Variants in CNTN5 observed in about 807,000 individuals in gnomAD.
CNTN5 encodes the protein contactin 5.
In CNTN5, 77 loss-of-function variants were observed where a neutral mutation model predicts 129.1. The observed-to-expected ratio is 0.60, with a 90% confidence interval of 0.50 to 0.72. The LOEUF (loss-of-function observed/expected upper bound fraction) is 0.72, where lower values mean the gene tolerates loss of function less well. Among genes scored for constraint, CNTN5 ranks in the 30% least tolerant of loss-of-function variants. The pLI, the probability that CNTN5 is intolerant of heterozygous loss-of-function variation, is 0.00. For missense variants in CNTN5, 1,478 were observed against 1,328.8 expected, an observed-to-expected ratio of 1.11 and a Z score of -1.75; for synonymous variants, 509 against 465.6, an observed-to-expected ratio of 1.09 and a Z score of -1.20.
intron 2 of CNTN5, among the ~76,000 whole-genome samples, chr11:99,420,657 G>T (rs138206543): frequency 6.6e-6 from 1 of 152,082 alleles, no homozygotes; most frequent in Non-Finnish European, 1.5e-5. Flanking sequence ...ATAAGATTAC[G>T]ATGAAAAAGT....
intron 1 of CNTN5, among the ~76,000 whole-genome samples, chr11:99,205,029 C>T (rs1428690940): frequency 2.0e-5 from 3 of 152,112 alleles, no homozygotes; most frequent in African/African-American, 7.2e-5. Flanking sequence ...CAGAGAATTG[C>T]ACTTTTTAAC....
At chr11:99,783,828 G>C (rs937221812) in intron 3 of CNTN5, among the ~76,000 whole-genome samples, 1 of 151,586 alleles carries the variant, frequency 6.6e-6, no homozygotes, top group Non-Finnish European at 1.5e-5. Context: ...TGTGGGGTGG[G>C]TGGAGTGGGG....
intron 17 of CNTN5, among the ~76,000 whole-genome samples, chr11:100,258,309 T>G (rs1334422104): frequency 6.6e-6 from 1 of 152,172 alleles, no homozygotes; most frequent in Non-Finnish European, 1.5e-5. Context: ...AATATACGTT[T>G]GACTGGTGTA....
chr11:99,944,776 G>T (rs1467019668), intron 7 of CNTN5, among the ~76,000 whole-genome samples: 2 of 152,004 alleles, frequency 1.3e-5, no homozygotes, highest in Admixed American at 6.6e-5. Flanking sequence ...GCTACAAAGA[G>T]AATACATACC....
At chr11:99,698,986 A>C (rs1954397358) in intron 3 of CNTN5, among the ~76,000 whole-genome samples, 1 of 151,332 alleles carries the variant, frequency 6.6e-6, no homozygotes, top group Non-Finnish European at 1.5e-5. Flanking sequence ...ATAAAAATTA[A>C]AACTTTTTTT....
intron 3 of CNTN5, among the ~76,000 whole-genome samples, chr11:99,802,894 C>T (rs1946156821): frequency 6.6e-6 from 1 of 152,120 alleles, no homozygotes; most frequent in Non-Finnish European, 1.5e-5. Flanking sequence ...CATCTATGCA[C>T]AGGAAAGGTG....
intron 7 of CNTN5, among the ~76,000 whole-genome samples, chr11:99,948,916 T>C (rs1281922571): frequency 6.6e-6 from 1 of 152,192 alleles, no homozygotes; most frequent in Non-Finnish European, 1.5e-5. Flanking sequence ...GCATTCCACC[T>C]GCCCCAGCCA....
intron 7 of CNTN5, among the ~76,000 whole-genome samples, chr11:99,951,221 G>T (rs1346980379): frequency 6.6e-6 from 1 of 151,336 alleles, no homozygotes; most frequent in African/African-American, 2.4e-5. Context: ...TAATGTGTCT[G>T]TGTGTAATAG....
At chr11:99,301,968 TA>T (rs1373722653) in intron 1 of CNTN5, among the ~76,000 whole-genome samples, 2 of 151,382 alleles carry the variant, frequency 1.3e-5, no homozygotes, top group African/African-American at 2.4e-5. Context: ...AACACACTAC[TA>T]AAAAAACCCG....
intron 18 of CNTN5, among the ~76,000 whole-genome samples, chr11:100,291,918 T>C (rs1950989248): frequency 6.6e-6 from 1 of 151,856 alleles, no homozygotes; most frequent in Non-Finnish European, 1.5e-5. Context: ...GGTTTTTTCT[T>C]CTCCCGCCAT....
intron 1 of CNTN5, among the ~76,000 whole-genome samples, chr11:99,226,704 C>G (rs576624990): frequency 6.6e-6 from 1 of 152,248 alleles, no homozygotes; most frequent in South Asian, 2.1e-4. Context: ...ATAATAAGTT[C>G]CTAATAGGCA....
intron 3 of CNTN5, among the ~76,000 whole-genome samples, chr11:99,801,883 T>C (rs999073980): frequency 6.6e-6 from 1 of 152,242 alleles, no homozygotes; most frequent in Admixed American, 6.5e-5. Flanking sequence ...TTGGACTTTC[T>C]TGCAATCCAT....
intron 3 of CNTN5, among the ~76,000 whole-genome samples, chr11:99,781,529 TG>T (rs1248405875): frequency 6.6e-6 from 1 of 152,070 alleles, no homozygotes; most frequent in Non-Finnish European, 1.5e-5. Flanking sequence ...CATTTATTTT[TG>T]CATTGCCTTG....
At chr11:99,244,050 T>C (rs1205267410) in intron 1 of CNTN5, among the ~76,000 whole-genome samples, 1 of 152,184 alleles carries the variant, frequency 6.6e-6, no homozygotes, top group Non-Finnish European at 1.5e-5. Flanking sequence ...TAGATTGCTT[T>C]AGGCAGTATG....
intron 6 of CNTN5, among the ~76,000 whole-genome samples, chr11:99,869,991 C>G (rs1253305195): frequency 1.3e-5 from 2 of 152,072 alleles, no homozygotes; most frequent in Admixed American, 1.3e-4. Flanking sequence ...CTGATTTACC[C>G]TTCCCCCCTG....
chr11:99,847,140 T>C lies in CNTN5; in HGVS notation c.577+1878T>C, dbSNP rs563074606. Among the ~76,000 whole-genome samples, 6 of 152,360 alleles carry C rather than the reference T, an allele frequency of 3.9e-5. No homozygotes were observed. In the South Asian group the frequency reaches 1.2e-3, roughly 32 times the overall value. ...GGTCTACAGTATTTGATACAAGGTA[T>C]ACCAGTTAGCTATAGCCTGTATGTC... On this transcript the variant is annotated intron_variant, in intron 6 of 24. Transcript: ENST00000524871.
chr11:100,217,331 T>G (rs1949160764), intron 15 of CNTN5, among the ~76,000 whole-genome samples: 1 of 152,220 alleles, frequency 6.6e-6, no homozygotes, highest in South Asian at 2.1e-4. Flanking sequence ...AGTACAGCCA[T>G]GCTTGCTATG....
At chr11:99,284,312 A>T (rs1863828919) in intron 1 of CNTN5, among the ~76,000 whole-genome samples, 1 of 152,094 alleles carries the variant, frequency 6.6e-6, no homozygotes, top group African/African-American at 2.4e-5. Flanking sequence ...ATGTTATGGG[A>T]TATATTTTAA....
At chr11:99,436,705 T>C (rs1943613242) in intron 2 of CNTN5, among the ~76,000 whole-genome samples, 1 of 152,156 alleles carries the variant, frequency 6.6e-6, no homozygotes, top group Non-Finnish European at 1.5e-5. Flanking sequence ...ATATGTTACA[T>C]TTACAAAATA....
Sources: gnomAD v4.1 joint callset for allele counts (sites outside exome capture counted in the v4.1 genomes callset) on GRCh38, gnomAD v4.1.1 for gene constraint, MANE v1.5 for transcripts, NCBI Gene and HGNC (gene_info 2026-07-23, HGNC 2026-07-21) for gene names.